Variants in KCNT2 observed in about 807,000 individuals in gnomAD.
KCNT2 encodes potassium channel subfamily T member 2.
In KCNT2, 67 loss-of-function variants were observed where a neutral mutation model predicts 153.8. That is an observed-to-expected ratio of 0.44 (90% CI 0.36 to 0.53). The LOEUF is 0.53. Ranked by LOEUF, KCNT2 falls within the 20% of genes least tolerant of loss-of-function variation. The pLI, the probability that KCNT2 is intolerant of heterozygous loss-of-function variation, is 0.00. For synonymous variants in KCNT2, 500 were observed against 458.8 expected (o/e 1.09, Z -1.15); for missense variants, 975 against 1,354.8 (o/e 0.72, Z 4.40).
intron 8 of KCNT2, among the ~76,000 whole-genome samples, chr1:196,435,747 A>G (rs1014432279): frequency 6.6e-6 from 1 of 151,760 alleles, no homozygotes; most frequent in Admixed American, 6.6e-5. Flanking sequence ...GTTTTATGGA[A>G]GAAACAAATT....
chr1:196,240,663 T>C (rs1382179370), intron 26 of KCNT2, among the ~76,000 whole-genome samples: 4 of 151,970 alleles, frequency 2.6e-5, no homozygotes, highest in Non-Finnish European at 4.4e-5. Flanking sequence ...CACCAGGGAA[T>C]GGACTAAACT....
At chr1:196,429,789 C>A (rs1673976387) in intron 8 of KCNT2, 32 bp from the exon 9 acceptor site, 1 of 1,462,158 alleles carries the variant, frequency 6.8e-7, no homozygotes, top group South Asian at 1.3e-5. Context: ...ACAATTAAAT[C>A]TTTCAAACTG....
chr1:196,577,434 A>G (rs1223076151), intron 1 of KCNT2, among the ~76,000 whole-genome samples: 3 of 152,198 alleles, frequency 2.0e-5, no homozygotes, highest in African/African-American at 7.2e-5. Context: ...CACAGAGATG[A>G]GTGTCTGAAA....
intron 1 of KCNT2, among the ~76,000 whole-genome samples, chr1:196,529,056 G>C (rs1572734364): frequency 6.6e-6 from 1 of 152,064 alleles, no homozygotes; most frequent in East Asian, 1.9e-4. Flanking sequence ...AGCAATGATA[G>C]AGAAAAGATT....
Position 196,331,495 on chromosome 1 carries a change from A to G in KCNT2, c.1998-234T>C, listed in dbSNP as rs114818279. Among the ~76,000 whole-genome samples the G allele has an allele frequency of 3.9e-3, 596 of 152,162 alleles. 2 individuals carry two copies. The highest frequency in any genetic ancestry group is 0.014 in the African/African-American group (575 of 41,548). On this transcript the variant is annotated intron_variant, in intron 17 of 27. Coordinates refer to ENST00000294725, the MANE Select transcript of KCNT2 (RefSeq NM_198503.5). ...TTCTGCATTTTAAAATGGTTGGAAAAAATCAAACTAGTATTTCATGTCATG... is the reference window on the plus strand; with the variant it reads ...TTCTGCATTTTAAAATGGTTGGAAAGAATCAAACTAGTATTTCATGTCATG...
chr1:196,257,397 T>C (rs952221332), intron 26 of KCNT2: 29 of 973,590 alleles, frequency 3.0e-5, no homozygotes, highest in Non-Finnish European at 3.5e-5. Context: ...AAATATGGAA[T>C]ACCTTCTATT....
intron 8 of KCNT2, among the ~76,000 whole-genome samples, chr1:196,464,812 G>A (rs1428359783): frequency 6.6e-6 from 1 of 151,926 alleles, no homozygotes; most frequent in East Asian, 1.9e-4. Flanking sequence ...GAAGTGCCAG[G>A]TCTTGCCTTG....
At chr1:196,458,756 T>G (rs1158843096) in intron 8 of KCNT2, among the ~76,000 whole-genome samples, 2 of 151,950 alleles carry the variant, frequency 1.3e-5, no homozygotes, top group African/African-American at 4.8e-5. Flanking sequence ...CTGGTAAATG[T>G]CAATTTGTAC....
chr1:196,296,887 A>T (rs981689413), intron 22 of KCNT2, among the ~76,000 whole-genome samples: 1 of 152,074 alleles, frequency 6.6e-6, no homozygotes, highest in African/African-American at 2.4e-5. Flanking sequence ...AAACAGAATC[A>T]AATAGTGATG....
chr1:196,494,242 T>C (rs1233256101), intron 1 of KCNT2, among the ~76,000 whole-genome samples: 6 of 152,190 alleles, frequency 3.9e-5, no homozygotes, highest in African/African-American at 9.7e-5. Context: ...AAATTTGTTA[T>C]GGCTACATAA....
intron 23 of KCNT2, among the ~76,000 whole-genome samples, chr1:196,283,849 T>C (rs1269416652): frequency 1.3e-5 from 2 of 152,104 alleles, no homozygotes; most frequent in Non-Finnish European, 2.9e-5. Flanking sequence ...GTTGTTAATA[T>C]TTTGTTTCAG....
chr1:196,345,838 AATATAC>A (rs758570760), intron 14 of KCNT2, among the ~76,000 whole-genome samples: 25 of 152,150 alleles, frequency 1.6e-4, no homozygotes, highest in Non-Finnish European at 3.2e-4. Context: ...CAAACAAATA[AATATAC>A]ATATAGATAA....
intron 27 of KCNT2, among the ~76,000 whole-genome samples, chr1:196,228,964 A>AT (rs1653713789): frequency 6.6e-6 from 1 of 152,148 alleles, no homozygotes; most frequent in Admixed American, 6.6e-5. Flanking sequence ...ATAGTAAGTG[A>AT]TAATACTAAA....
chr1:196,501,137 G>A, intron 1 of KCNT2, among the ~76,000 whole-genome samples: 1 of 152,210 alleles, frequency 6.6e-6, no homozygotes, highest in Non-Finnish European at 1.5e-5. Context: ...ATGGTAAACA[G>A]TATGGAGATT....
chr1:196,335,787 C>T (rs113652655), intron 16 of KCNT2, among the ~76,000 whole-genome samples: 7,547 of 152,110 alleles, frequency 0.05, 285 homozygotes, highest in Non-Finnish European at 0.072. Context: ...ACCCTTTGAT[C>T]ACCACTATTT....
At chr1:196,417,088 A>T (rs560113382) in intron 12 of KCNT2, among the ~76,000 whole-genome samples, 23 of 152,182 alleles carry the variant, frequency 1.5e-4, no homozygotes, top group African/African-American at 5.3e-4. Context: ...AATTTTTTTT[A>T]AAACAATATG....
chr1:196,488,340 C>G (rs1472015404), intron 3 of KCNT2, among the ~76,000 whole-genome samples: 1 of 151,938 alleles, frequency 6.6e-6, no homozygotes, highest in Non-Finnish European at 1.5e-5. Flanking sequence ...GGGAGCTAAA[C>G]AGAACATTGT....
chr1:196,500,141 C>CA (rs1217670134), intron 1 of KCNT2, among the ~76,000 whole-genome samples: 2 of 127,390 alleles, frequency 1.6e-5, no homozygotes, highest in Admixed American at 1.8e-4. Context: ...GAGACTCCAT[C>CA]AAAAAAAAGG....
chr1:196,316,374 A>T (rs1458739410), intron 20 of KCNT2, among the ~76,000 whole-genome samples: 1 of 151,778 alleles, frequency 6.6e-6, no homozygotes, highest in Non-Finnish European at 1.5e-5. Context: ...TACAGTTAAC[A>T]TACTACTTCA....
Sources: allele counts gnomAD v4.1 joint callset (sites outside exome capture counted in the v4.1 genomes callset), GRCh38; gene constraint gnomAD v4.1.1; transcripts MANE v1.5; gene names NCBI Gene and HGNC (gene_info 2026-07-23, HGNC 2026-07-21).